Variants in LGALS8 observed in about 807,000 individuals in gnomAD.
LGALS8 encodes the protein galectin-8.
A neutral mutation model predicts 35.9 loss-of-function variants in LGALS8; 30 were observed. The ratio of observed to expected loss-of-function variants is 0.83; its 90% CI spans 0.62 to 1.13. The LOEUF (loss-of-function observed/expected upper bound fraction) is 1.13. Ranked by LOEUF, LGALS8 falls within the 50% of genes most tolerant of loss-of-function variation. LGALS8 has a pLI of 0.00. For synonymous variants in LGALS8, 138 were observed against 136.1 expected, an observed-to-expected ratio of 1.01 and a Z score of -0.10; for missense variants, 366 against 388.7, an observed-to-expected ratio of 0.94 and a Z score of 0.49.
At chr1:236,538,299 T>C (rs1405111982) in intron 3 of LGALS8, among the ~76,000 whole-genome samples, 1 of 151,966 alleles carries the variant, frequency 6.6e-6, no homozygotes, top group Non-Finnish European at 1.5e-5. Context: ...AGAGCAGTGG[T>C]TTAAGATGTG....
chr1:236,526,134 A>G lies in LGALS8; in HGVS notation c.45+19A>G, dbSNP rs368213754. The G allele has an allele frequency of 5.1e-6, 8 of 1,559,844 alleles. No homozygotes were observed. The highest frequency in any genetic ancestry group is 7.1e-6 in the Non-Finnish European group (8 of 1,131,410). On this transcript the variant is annotated intron_variant, in intron 2 of 9. Coordinates refer to ENST00000366584, the MANE Select transcript of LGALS8 (RefSeq NM_201544.4). This position sits in a 1 kb window ranked among gnomAD's most constrained non-coding sequence, Gnocchi z 4.6. ...TAACCCGGTAACTGATTTCTATAAG[A>G]TAACTTTTTACCTATGCCAGGACAG...
At chr1:236,525,517 C>A (rs940099957) in intron 1 of LGALS8, 1 of 151,978 alleles carries the variant, frequency 6.6e-6, no homozygotes, top group East Asian at 1.9e-4. Flanking sequence ...ATTCTCCTGT[C>A]TCAGCCTCCT....
At chr1:236,532,224 T>C (rs1442957693) in intron 2 of LGALS8, among the ~76,000 whole-genome samples, 4 of 152,168 alleles carry the variant, frequency 2.6e-5, no homozygotes, top group South Asian at 2.1e-4. Flanking sequence ...AAATCCCAAG[T>C]TCCCAGACAC....
Position 236,548,402 on chromosome 1 carries a change from CTT to C in LGALS8, c.*243_*244del, listed in dbSNP as rs1243217304. 1 of 489,744 alleles carries C rather than the reference CTT, an allele frequency of 2.0e-6. No homozygotes were observed. Among genetic ancestry groups the C allele is most frequent in the Non-Finnish European group, 3.7e-6 (1 of 273,530 alleles). 30.3% of individuals were successfully genotyped at this position (489,744 alleles called of 1,614,324 possible). Reference sequence around the variant, plus strand: ...TAAAGCCACTCTGCCCTCTCTCCTACTTTGGCTGACTCTTCAAGAATGCCATT... The same window carrying C: ...TAAAGCCACTCTGCCCTCTCTCCTACTGGCTGACTCTTCAAGAATGCCATT... On this transcript the variant is annotated 3_prime_UTR_variant, in exon 10 of 10. Transcript: ENST00000366584.
At position 236,538,937 on chromosome 1, in the gene LGALS8, C is replaced by A. The variant is rs1345499079; in HGVS notation, c.193C>A (p.His65Asn). The change falls in exon 4 of 10, where the codon CAT (histidine) becomes AAT (asparagine). Residue 65 changes from histidine (H) to asparagine (N), a missense_variant. Coordinates refer to ENST00000366584, the MANE Select transcript of LGALS8 (RefSeq NM_201544.4). ...SMKPRADVAF[H>N]FNPRFKRAGC... ...GAAACCTCGAGCCGATGTGGCCTTT[C>A]ATTTCAATCCTCGTTTCAAAAGGGC... 5.0e-6 allele frequency: 8 copies of A among 1,613,790 alleles called. No individual in the cohort carries two copies. The highest frequency in any genetic ancestry group is 5.9e-6 in the Non-Finnish European group (7 of 1,180,038).
At chr1:236,533,636 C>G (rs1313041251) in intron 2 of LGALS8, among the ~76,000 whole-genome samples, 2 of 124,002 alleles carry the variant, frequency 1.6e-5, no homozygotes, top group African/African-American at 6.6e-5. Flanking sequence ...GCCTGACCCC[C>G]ATTTTTTTTT....
chr1:236,532,366 G>A (rs1406365574), intron 2 of LGALS8, among the ~76,000 whole-genome samples: 1 of 151,920 alleles, frequency 6.6e-6, no homozygotes, highest in Non-Finnish European at 1.5e-5. Flanking sequence ...CCTGCTTTTC[G>A]ATTTCTTTAT....
rs944898384 is a variant in LGALS8, at chr1:236,549,786, T to A, written c.*1625T>A. On this transcript the variant is annotated 3_prime_UTR_variant, in exon 10 of 10. Transcript: ENST00000366584. ...AAAAATAGCCCACTCACATCATTCCTTGTAAGTCTTAAGTTCATTTTCATT... is the reference window on the plus strand; with the variant it reads ...AAAAATAGCCCACTCACATCATTCCATGTAAGTCTTAAGTTCATTTTCATT... 6.6e-6 allele frequency: 1 copy of A among 152,218 alleles called. No individual in the cohort carries two copies. Among genetic ancestry groups the A allele is most frequent in the East Asian group, 1.9e-4 (1 of 5,202 alleles). The allele number at this position is 152,218 out of a possible 1,614,324, so 9.4% of individuals were successfully genotyped here.
At chr1:236,537,701 C>A (rs939178837) in intron 3 of LGALS8, 116 bp downstream of exon 3, 3 of 759,124 alleles carry the variant, frequency 4.0e-6, no homozygotes, top group Non-Finnish European at 7.0e-6. Flanking sequence ...AATTAGCTTT[C>A]ATCAGCAGCC....
At chr1:236,542,056 T>C (rs1299541598) in intron 6 of LGALS8, among the ~76,000 whole-genome samples, 2 of 152,238 alleles carry the variant, frequency 1.3e-5, no homozygotes, top group African/African-American at 4.8e-5. Context: ...GGAGAATAAC[T>C]GCAATTTAAA....
In LGALS8 at chr1:236,550,992, TAAAAAAAA is replaced by T. The variant is rs55866014; in HGVS notation, c.*2842_*2849del. 7,733 of 1,255,706 alleles carry T rather than the reference TAAAAAAAA, an allele frequency of 6.2e-3. 299 individuals are homozygous for T. The African/African-American group carries it at 0.1, about 17-fold the overall frequency. 77.8% of individuals were successfully genotyped at this position (1,255,706 alleles called of 1,614,324 possible). A position where few individuals can be genotyped will look rare whatever the true frequency, so the allele number is the denominator to read the frequency against. On this transcript the variant is annotated 3_prime_UTR_variant, in exon 10 of 10. Coordinates refer to ENST00000366584, the MANE Select transcript of LGALS8 (RefSeq NM_201544.4). Reference sequence around the variant, plus strand: ...GATGTTCTACTTCTTCACATTCATCTAAAAAAAAAAAAAAAAAATCAAAATTAAAATCT... The same window carrying T: ...GATGTTCTACTTCTTCACATTCATCTAAAAAAAAAATCAAAATTAAAATCT...
chr1:236,520,378 TAAAA>T (rs35603699), upstream of LGALS8, among the ~76,000 whole-genome samples: 1 of 142,486 alleles, frequency 7.0e-6, no homozygotes, highest in Non-Finnish European at 1.5e-5. Flanking sequence ...ATCTTCTCTT[TAAAA>T]AAAAAAAAAA....
chr1:236,522,441 A>T (rs188393857), upstream of LGALS8, among the ~76,000 whole-genome samples: 324 of 152,132 alleles, frequency 2.1e-3, 4 homozygotes, highest in African/African-American at 7.6e-3. Flanking sequence ...TGTCTCTACA[A>T]AAAAAAATTT....
chr1:236,543,712 G>A lies in LGALS8; in HGVS notation c.638+64G>A, dbSNP rs568053971. ...CCGTGCCTGTTACCGCCTTCCACCC[G>A]TGAACGGTCCTGTGAGCTGGAAGAA... is the stretch of plus-strand genomic sequence containing the variant. On this transcript the variant is annotated intron_variant, in intron 8 of 9. Transcript: ENST00000366584. 1.2e-5 allele frequency: 13 copies of A among 1,125,856 alleles called. No individual in the cohort carries two copies. In the East Asian group the frequency reaches 3.1e-4, roughly 27 times the overall value. 69.7% of individuals were successfully genotyped at this position (1,125,856 alleles called of 1,614,324 possible).
chr1:236,539,138 G>A (rs1439573317), intron 4 of LGALS8, 49 bp downstream of exon 4: 14 of 1,418,566 alleles, frequency 9.9e-6, no homozygotes, highest in Non-Finnish European at 1.1e-5. Context: ...GAGCAGGAGT[G>A]CACAGGGGTG....
intron 6 of LGALS8, 127 bp from the exon 7 acceptor site, chr1:236,542,634 C>A: frequency 1.1e-6 from 1 of 935,318 alleles, no homozygotes; most frequent in Non-Finnish European, 1.7e-6. Flanking sequence ...GCCTGGAGGT[C>A]ACACCAGAGT....
chr1:236,522,891 G>A (rs1660596289), upstream of LGALS8, among the ~76,000 whole-genome samples: 2 of 152,214 alleles, frequency 1.3e-5, no homozygotes, highest in South Asian at 4.1e-4. Context: ...CCAGTTATGG[G>A]ACTTGTAATG....
rs771694779 is a variant in LGALS8, at chr1:236,542,758, T to C, written c.523-3T>C. On this transcript the variant is annotated splice_region_variant and splice_polypyrimidine_tract_variant and intron_variant, in intron 6 of 9. Transcript: ENST00000366584. Reference sequence around the variant, plus strand: ...TTGTTGTGTTTTGTTTCTTTTCCAATAGGTTCCAAAGTCTGGCACGCCCCA... The same window carrying C: ...TTGTTGTGTTTTGTTTCTTTTCCAACAGGTTCCAAAGTCTGGCACGCCCCA... 6.2e-6 allele frequency: 10 copies of C among 1,614,036 alleles called. No individual in the cohort carries two copies. The highest frequency in any genetic ancestry group is 8.5e-6 in the Non-Finnish European group (10 of 1,179,884).
chr1:236,543,367 CAT>C, intron 7 of LGALS8, 191 bp from the exon 8 acceptor site: 4 of 698,606 alleles, frequency 5.7e-6, no homozygotes, highest in East Asian at 2.7e-5. Flanking sequence ...AAAATGTAAT[CAT>C]GTGTGTTTGC....
Sources: gnomAD v4.1 joint callset for allele counts (sites outside exome capture counted in the v4.1 genomes callset) on GRCh38, gnomAD v4.1.1 for gene constraint, Gnocchi (gnomAD v3.1) non-coding constraint, MANE v1.5 for transcripts, NCBI Gene and HGNC (gene_info 2026-07-23, HGNC 2026-07-21) for gene names.